EFCAB6: variants seen among roughly 807,000 people sequenced by gnomAD.
EFCAB6 encodes EF-hand calcium-binding domain-containing protein 6.
EFCAB6 carries 156 observed loss-of-function variants against 169.8 expected under a neutral mutation model. The observed-to-expected ratio is 0.92, with a 90% CI of 0.81 to 1.05. The LOEUF (loss-of-function observed/expected upper bound fraction) is 1.05. Ranked by LOEUF, EFCAB6 falls within the 50% of genes least tolerant of loss-of-function variation. The pLI is 0.00. For missense variants in EFCAB6, 1,800 were observed against 1,829.1 expected, an observed-to-expected ratio of 0.98 and a Z score of 0.29; for synonymous variants, 698 against 676.4, an observed-to-expected ratio of 1.03 and a Z score of -0.50.
chr22:43,639,596 T>C (rs1569298762), intron 17 of EFCAB6, among the ~76,000 whole-genome samples: 1 of 152,244 alleles, frequency 6.6e-6, no homozygotes, highest in Non-Finnish European at 1.5e-5. Flanking sequence ...CTCTTTGATG[T>C]TGCTTTTCAG....
At chr22:43,640,289 T>C (rs2055711735) in intron 17 of EFCAB6, among the ~76,000 whole-genome samples, 1 of 152,236 alleles carries the variant, frequency 6.6e-6, no homozygotes, top group Non-Finnish European at 1.5e-5. Context: ...GTTATAAATC[T>C]TTATATCTAT....
chr22:43,735,896 T>C lies in EFCAB6; in HGVS notation c.605A>G (p.Glu202Gly), dbSNP rs201932006. 3.7e-6 allele frequency: 6 copies of C among 1,614,190 alleles called. No homozygotes were observed. In the East Asian group the frequency reaches 6.7e-5, roughly 18 times the overall value. ...GTCTCTTAACTTCATACAGAAGGTC[T>C]CCAGAACCCTTCTTAGCTCCTGCGG... ...VRPQELRRVL[E>G]TFCMKLRDEE... is the part of the protein sequence containing the mutation. Residue 202 changes from glutamate (E) to glycine (G), a missense_variant, in exon 7 of 32, where the codon GAG (glutamate) becomes GGG (glycine). By Grantham distance (98) the Glu-to-Gly change is moderately conservative. Coordinates refer to ENST00000262726, the MANE Select transcript of EFCAB6 (RefSeq NM_022785.4).
intron 21 of EFCAB6, among the ~76,000 whole-genome samples, chr22:43,609,479 T>G (rs1336067994): frequency 6.6e-6 from 1 of 152,192 alleles, no homozygotes; most frequent in Non-Finnish European, 1.5e-5. Context: ...CTGGATTCTA[T>G]GTCAACAGGC....
chr22:43,569,722 C>T (rs1438852294), intron 26 of EFCAB6, among the ~76,000 whole-genome samples: 1 of 152,234 alleles, frequency 6.6e-6, no homozygotes, highest in African/African-American at 2.4e-5. Context: ...AGACTTGCCA[C>T]AGTGCCACCC....
In EFCAB6 at chr22:43,718,482, G is replaced by A. The variant is rs541350962; in HGVS notation, c.758-1510C>T. Among the ~76,000 whole-genome samples, 8 of 152,270 alleles carry A rather than the reference G, an allele frequency of 5.3e-5. No individual in the cohort carries two copies. In the South Asian group the frequency reaches 1.7e-3, roughly 32 times the overall value. ...GGCTATATAATAAAAGACAAAGTTG[G>A]TCTTTAGAACTTGGTCATGGCCAGG... On this transcript the variant is annotated intron_variant, in intron 8 of 31. Transcript: ENST00000262726.
chr22:43,786,027 A>G (rs1056651469), intron 2 of EFCAB6, among the ~76,000 whole-genome samples: 1 of 152,252 alleles, frequency 6.6e-6, no homozygotes, highest in African/African-American at 2.4e-5. Flanking sequence ...GTCCAGAACC[A>G]GGACCAGATG....
chr22:43,643,673 C>T (rs756962955), intron 17 of EFCAB6, among the ~76,000 whole-genome samples: 9 of 152,200 alleles, frequency 5.9e-5, no homozygotes, highest in Non-Finnish European at 1.2e-4. Flanking sequence ...AGCCTGGCAC[C>T]GTCCACAGAG....
In EFCAB6 at chr22:43,716,853, G is replaced by A. The variant is rs759754471; in HGVS notation, c.877C>T (p.Leu293=). ...SLDEIERNFC[L]QLSKSYEKVE... The stretch of plus-strand genomic sequence containing the variant: ...GGCTTAGGAAAACATCTTACTTGTA[G>A]ACAAAAGTTCCTCTCAATTTCATCC... The change falls in exon 9 of 32, where the codon CTA becomes TTA. Residue 293 remains leucine, a synonymous_variant. Coordinates refer to ENST00000262726, the MANE Select transcript of EFCAB6 (RefSeq NM_022785.4). 6.2e-7 allele frequency: 1 copy of A among 1,603,188 alleles called. No individual in the cohort carries two copies. Among genetic ancestry groups the A allele is most frequent in the South Asian group, 1.1e-5 (1 of 88,114 alleles).
chr22:43,777,733 C>T (rs1219289390), intron 3 of EFCAB6, among the ~76,000 whole-genome samples: 1 of 152,170 alleles, frequency 6.6e-6, no homozygotes, highest in Non-Finnish European at 1.5e-5. Flanking sequence ...TTCTTAGAAG[C>T]CCCACCATTG....
At chr22:43,631,174 T>C (rs939068332) in intron 19 of EFCAB6, among the ~76,000 whole-genome samples, 2 of 151,406 alleles carry the variant, frequency 1.3e-5, no homozygotes, top group Non-Finnish European at 2.9e-5. Flanking sequence ...CCATCTCCAT[T>C]CTGCCTCTGG....
Position 43,580,570 on chromosome 22 carries a change from T to A in EFCAB6, c.3122A>T (p.Lys1041Met). The change falls in exon 25 of 32, where the codon AAG becomes ATG. Residue 1041 changes from lysine to methionine, a missense_variant. Physicochemically the swap from Lys to Met is moderately conservative, Grantham distance 95. Transcript: ENST00000262726. The stretch of plus-strand genomic sequence containing the variant: ...GATTGGCATGCTCTCTTCTTTTTCC[T>A]TGGGCTGAGCTCCTGTTGACTTGCT... ...ENSKSTGAQP[K>M]EKEESMPINF... is the part of the protein sequence containing the mutation. 4 of 1,614,198 alleles carry A rather than the reference T, an allele frequency of 2.5e-6. No homozygotes were observed. Among genetic ancestry groups the A allele is most frequent in the Non-Finnish European group, 3.4e-6 (4 of 1,180,036 alleles).
chr22:43,570,680 G>A (rs76546744), intron 26 of EFCAB6, among the ~76,000 whole-genome samples: 2 of 147,748 alleles, frequency 1.4e-5, no homozygotes, highest in African/African-American at 5.0e-5. Flanking sequence ...TCGATGCCTT[G>A]TTCCTCTTTT....
intron 10 of EFCAB6, among the ~76,000 whole-genome samples, chr22:43,700,063 T>A (rs944337042): frequency 1.3e-5 from 2 of 152,206 alleles, no homozygotes; most frequent in Non-Finnish European, 2.9e-5. Context: ...ATTTATTTTA[T>A]AGGAAAAGCT....
At chr22:43,586,317 T>A (rs1428999011) in intron 24 of EFCAB6, among the ~76,000 whole-genome samples, 1 of 150,382 alleles carries the variant, frequency 6.6e-6, no homozygotes, top group Non-Finnish European at 1.5e-5. Flanking sequence ...AAATGTATAC[T>A]GTAAACTCTT....
chr22:43,772,159 G>A (rs2061491994), intron 4 of EFCAB6, among the ~76,000 whole-genome samples: 1 of 152,182 alleles, frequency 6.6e-6, no homozygotes, highest in African/African-American at 2.4e-5. Flanking sequence ...CACTCCGTAA[G>A]TGTCTCACTG....
rs114727652 is a variant in EFCAB6, at chr22:43,703,608, T to A, written c.1031+7867A>T. ...AGATAGACTAAAAAATAAAATAAAA[T>A]TTGGAAAGCAATACATGAAAAAAAA... On this transcript the variant is annotated intron_variant, in intron 10 of 31. Transcript: ENST00000262726. Among the ~76,000 whole-genome samples the A allele has an allele frequency of 6.5e-3, 992 of 151,668 alleles. 20 individuals carry two copies. Among genetic ancestry groups the A allele is most frequent in the African/African-American group, 0.023 (952 of 41,326 alleles).
intron 5 of EFCAB6, among the ~76,000 whole-genome samples, chr22:43,758,089 A>C (rs1231099336): frequency 1.3e-5 from 2 of 150,798 alleles, no homozygotes; most frequent in African/African-American, 2.5e-5. Context: ...ATGTAGTTAC[A>C]CTTTCTTTTG....
Position 43,716,921 on chromosome 22 carries a change from A to G in EFCAB6, c.809T>C (p.Leu270Pro). 1.9e-6 allele frequency: 3 copies of G among 1,583,182 alleles called. No individual in the cohort carries two copies. The highest frequency in any genetic ancestry group is 1.8e-5 in the Admixed American group (1 of 55,112). Residue 270 changes from leucine to proline, a missense_variant, in exon 9 of 32, where the codon CTA (leucine) becomes CCA (proline). Coordinates refer to ENST00000262726, the MANE Select transcript of EFCAB6 (RefSeq NM_022785.4). ...QAKNSKKERL[L>P]GSASSEDIWR... ...GATATCTTCAGATGATGCAGAACCT[A>G]GCAAACGTTCCTTTTTGGAATTTTT... is the stretch of plus-strand genomic sequence containing the variant.
At chr22:43,678,522 C>T (rs536463567) in intron 12 of EFCAB6, among the ~76,000 whole-genome samples, 2 of 152,256 alleles carry the variant, frequency 1.3e-5, no homozygotes, top group South Asian at 4.2e-4. Context: ...CCCTACCCCA[C>T]CTGAGAGCTG....
Sources: allele counts gnomAD v4.1 joint callset (sites outside exome capture counted in the v4.1 genomes callset), GRCh38; gene constraint gnomAD v4.1.1; transcripts MANE v1.5; gene names NCBI Gene and HGNC (gene_info 2026-07-23, HGNC 2026-07-21).